GRIP1: variants seen among roughly 807,000 people sequenced by gnomAD.
The protein encoded by GRIP1 is glutamate receptor interacting protein 1.
In GRIP1, 45 loss-of-function variants were observed where a neutral mutation model predicts 129.9. The observed-to-expected ratio is 0.35, with a 90% CI of 0.27 to 0.44. GRIP1 has a LOEUF of 0.44. Ranked by LOEUF, GRIP1 falls within the 20% of genes least tolerant of loss-of-function variation. The probability of loss-of-function intolerance (pLI) is 1.00; values close to 1 mark genes in which losing one functional copy is unlikely to be tolerated. For synonymous variants in GRIP1, 530 were observed against 520.8 expected, an observed-to-expected ratio of 1.02 and a Z score of -0.24; for missense variants, 1,196 against 1,396.8, an observed-to-expected ratio of 0.86 and a Z score of 2.29.
chr12:66,637,898 C>T (rs1408403456), intron 1 of GRIP1, among the ~76,000 whole-genome samples: 1 of 152,204 alleles, frequency 6.6e-6, no homozygotes, highest in Non-Finnish European at 1.5e-5. Flanking sequence ...TAATAAATTA[C>T]TTGAACTGCC....
At chr12:67,021,609 C>G (rs999392701) in intron 1 of GRIP1, among the ~76,000 whole-genome samples, 1 of 152,126 alleles carries the variant, frequency 6.6e-6, no homozygotes, top group Non-Finnish European at 1.5e-5. Context: ...TAATACCCAT[C>G]ATCTCAAACA....
In GRIP1 at chr12:66,496,671, T is replaced by C. The variant is rs186962900; in HGVS notation, c.724+18948A>G. 5.3e-4 allele frequency among the ~76,000 whole-genome samples: 80 copies of C among 152,258 alleles called. 1 individual carries two copies. In the East Asian group the frequency reaches 0.015, roughly 29 times the overall value. ...TATAGTGCTCCTGAATCACTAGAAA[T>C]TGCTAATGAAAATTTGGGTAGGAAG... is the stretch of plus-strand genomic sequence containing the variant. On this transcript the variant is annotated intron_variant, in intron 7 of 24. Coordinates refer to ENST00000359742, the MANE Select transcript of GRIP1 (RefSeq NM_001366722.1).
chr12:66,936,386 A>G (rs776099262), intron 1 of GRIP1, among the ~76,000 whole-genome samples: 31 of 143,252 alleles, frequency 2.2e-4, no homozygotes, highest in Non-Finnish European at 3.3e-4. Flanking sequence ...TGATCATACC[A>G]CTGTACTCCG....
chr12:66,689,241 A>C (rs1195625331), intron 1 of GRIP1, among the ~76,000 whole-genome samples: 1 of 152,238 alleles, frequency 6.6e-6, no homozygotes, highest in Non-Finnish European at 1.5e-5. Flanking sequence ...TAATCCAAAA[A>C]TTTAGCACAG....
chr12:66,871,701 G>A (rs79693674), intron 1 of GRIP1, among the ~76,000 whole-genome samples: 1,795 of 152,148 alleles, frequency 0.012, 22 homozygotes, highest in Middle Eastern at 0.037. Flanking sequence ...AAAGGGTAAA[G>A]ACTGCAGAGT....
intron 2 of GRIP1, among the ~76,000 whole-genome samples, chr12:66,587,189 C>T (rs1052540703): frequency 6.6e-6 from 1 of 152,170 alleles, no homozygotes; most frequent in Admixed American, 6.5e-5. Flanking sequence ...ATTTAAAAGC[C>T]AAGGTTTTTC....
intron 7 of GRIP1, among the ~76,000 whole-genome samples, chr12:66,505,741 T>C (rs1210584848): frequency 6.6e-6 from 1 of 152,232 alleles, no homozygotes; most frequent in Non-Finnish European, 1.5e-5. Context: ...GTATAGCTTA[T>C]ATGTACCAAT....
intron 19 of GRIP1, among the ~76,000 whole-genome samples, chr12:66,380,386 T>C (rs1270810550): frequency 2.0e-5 from 3 of 152,202 alleles, no homozygotes; most frequent in African/African-American, 4.8e-5. Flanking sequence ...CCATCTCTCA[T>C]GCTGCCTCAG....
chr12:66,575,440 G>A (rs7976866), intron 2 of GRIP1, among the ~76,000 whole-genome samples: 88,615 of 151,834 alleles, frequency 0.58, 26,115 homozygotes, highest in East Asian at 0.75. Flanking sequence ...TTTATTTTTC[G>A]GTATCCTAGA....
chr12:66,648,987 G>A (rs2032582577), intron 1 of GRIP1, among the ~76,000 whole-genome samples: 1 of 152,194 alleles, frequency 6.6e-6, no homozygotes, highest in South Asian at 2.1e-4. Flanking sequence ...ACGTGGGAAA[G>A]TGCAAATTCA....
At chr12:66,916,878 T>C (rs192796278) in intron 1 of GRIP1, among the ~76,000 whole-genome samples, 35 of 152,328 alleles carry the variant, frequency 2.3e-4, no homozygotes, top group African/African-American at 8.4e-4. Flanking sequence ...ACAAAATCAC[T>C]TGTATTTCCA....
intron 1 of GRIP1, among the ~76,000 whole-genome samples, chr12:66,622,421 T>C (rs1237158225): frequency 6.6e-6 from 1 of 152,018 alleles, no homozygotes; most frequent in Admixed American, 6.6e-5. Context: ...AATAAGGAAA[T>C]ATATTTGGAT....
intron 24 of GRIP1, 69 bp downstream of exon 24, chr12:66,353,348 G>C (rs945383778): frequency 1.9e-6 from 2 of 1,074,788 alleles, no homozygotes; most frequent in African/African-American, 1.5e-5. Context: ...CAAATATGCA[G>C]GAGGATGTGG....
chr12:66,823,441 G>T (rs964816166), intron 1 of GRIP1, among the ~76,000 whole-genome samples: 1 of 151,970 alleles, frequency 6.6e-6, no homozygotes, highest in East Asian at 1.9e-4. Context: ...AAAGTACTTT[G>T]CACATTAACA....
chr12:66,719,048 C>G (rs2035979411), intron 1 of GRIP1, among the ~76,000 whole-genome samples: 1 of 151,882 alleles, frequency 6.6e-6, no homozygotes, highest in Non-Finnish European at 1.5e-5. Context: ...AAGGAAGTAT[C>G]TTAATACTTA....
upstream of GRIP1, among the ~76,000 whole-genome samples, chr12:66,805,504 T>C (rs897275617): frequency 1.3e-5 from 2 of 152,196 alleles, no homozygotes; most frequent in Admixed American, 6.5e-5. Context: ...ATATTACCTA[T>C]GAAACTAATG....
intron 1 of GRIP1, among the ~76,000 whole-genome samples, chr12:66,971,352 GT>G (rs1194486135): frequency 1.3e-5 from 2 of 152,078 alleles, no homozygotes. Flanking sequence ...GCCTTACTTT[GT>G]TTTTTTCATA....
intron 15 of GRIP1, among the ~76,000 whole-genome samples, chr12:66,414,563 T>C (rs2057517773): frequency 6.6e-6 from 1 of 152,002 alleles, no homozygotes; most frequent in African/African-American, 2.4e-5. Flanking sequence ...TAAACTACCA[T>C]TGACATTCTT....
intron 23 of GRIP1, among the ~76,000 whole-genome samples, chr12:66,365,912 C>T (rs540655480): frequency 6.6e-6 from 1 of 152,190 alleles, no homozygotes; most frequent in Non-Finnish European, 1.5e-5. Context: ...CTTCTGATAA[C>T]AAGTGACCCT....
Sources: gnomAD v4.1 joint callset for allele counts (sites outside exome capture counted in the v4.1 genomes callset) on GRCh38, gnomAD v4.1.1 for gene constraint, MANE v1.5 for transcripts, NCBI Gene and HGNC (gene_info 2026-07-23, HGNC 2026-07-21) for gene names.